The following PPFIA1 variants were observed in gnomAD, a reference collection of about 807,000 sequenced individuals.
PPFIA1 encodes liprin-alpha-1.
Under a neutral mutation model 149.9 loss-of-function variants are expected in PPFIA1, and 25 were observed. That is an observed-to-expected ratio of 0.17 (90% CI 0.12 to 0.23). PPFIA1 has a LOEUF of 0.23. PPFIA1 is among the 10% of genes least tolerant of loss of function. PPFIA1 has a pLI of 1.00. For missense variants in PPFIA1, 1,362 were observed against 1,506.5 expected (o/e 0.90, Z 1.59); for synonymous variants, 549 against 552.8 (o/e 0.99, Z 0.10).
intron 21 of PPFIA1, 60 bp downstream of exon 21, chr11:70,362,548 C>T: frequency 6.7e-7 from 1 of 1,489,234 alleles, no homozygotes; most frequent in Non-Finnish European, 9.0e-7. Flanking sequence ...CTGAAGGTAT[C>T]ACTGCCCTGT....
intron 21 of PPFIA1, among the ~76,000 whole-genome samples, chr11:70,369,949 CTTTTT>C (rs36102876): frequency 6.9e-6 from 1 of 145,738 alleles, no homozygotes; most frequent in East Asian, 2.0e-4. Flanking sequence ...CTCTTTTACT[CTTTTT>C]TTTTTTTTCT....
chr11:70,338,012 CAATT>C (rs1422392536), intron 12 of PPFIA1, among the ~76,000 whole-genome samples: 5 of 152,142 alleles, frequency 3.3e-5, no homozygotes, highest in African/African-American at 1.2e-4. Flanking sequence ...TGATGTAAGA[CAATT>C]AAACACAATA....
chr11:70,325,044 A>G (rs1329697877), intron 4 of PPFIA1, 33 bp downstream of exon 4: 1 of 1,570,562 alleles, frequency 6.4e-7, no homozygotes, highest in South Asian at 1.2e-5. Flanking sequence ...TGGTTTGTGC[A>G]CATGCTGTGT....
chr11:70,337,754 T>C (rs2055071478), intron 12 of PPFIA1, among the ~76,000 whole-genome samples: 1 of 152,248 alleles, frequency 6.6e-6, no homozygotes. Flanking sequence ...AGTCATATTT[T>C]AGAAAGTAAT....
At chr11:70,377,924 A>C in intron 25 of PPFIA1, 106 bp from the exon 26 acceptor site, 2 of 903,158 alleles carry the variant, frequency 2.2e-6, no homozygotes, top group African/African-American at 1.7e-5. Flanking sequence ...ACATGTGGAC[A>C]AGAATACATT....
Position 70,331,949 on chromosome 11 carries a change from TC to T in PPFIA1, c.1078-10del. The stretch of plus-strand genomic sequence containing the variant: ...TTTGTTGCATTTTGATGCTTTGCTC[TC>T]ATTTTATAGACTGAAGATAAAAACC... On this transcript the variant is annotated splice_polypyrimidine_tract_variant and intron_variant, in intron 8 of 27. Transcript: ENST00000253925. 3 of 1,598,634 alleles carry T rather than the reference TC, an allele frequency of 1.9e-6. No homozygotes were observed. Among genetic ancestry groups the T allele is most frequent in the Non-Finnish European group, 2.6e-6 (3 of 1,175,360 alleles).
At chr11:70,331,858 G>T in intron 8 of PPFIA1, 102 bp from the exon 9 acceptor site, 1 of 1,276,248 alleles carries the variant, frequency 7.8e-7, no homozygotes, top group South Asian at 1.7e-5. Context: ...CTTCCATCAT[G>T]ACTCTCTTAG....
chr11:70,363,647 G>A (rs1403958720), intron 21 of PPFIA1, among the ~76,000 whole-genome samples: 1 of 152,058 alleles, frequency 6.6e-6, no homozygotes, highest in Non-Finnish European at 1.5e-5. Context: ...CCAAGTAGTT[G>A]GGACTACAGG....
chr11:70,285,447 C>T (rs966398019), intron 2 of PPFIA1, among the ~76,000 whole-genome samples: 28 of 151,856 alleles, frequency 1.8e-4, no homozygotes, highest in African/African-American at 5.8e-4. Flanking sequence ...AATGGGAGGC[C>T]GAGATGGGCA....
intron 19 of PPFIA1, among the ~76,000 whole-genome samples, chr11:70,359,710 G>A (rs754171465): frequency 1.2e-4 from 18 of 152,188 alleles, no homozygotes; most frequent in Non-Finnish European, 2.6e-4. Flanking sequence ...CAACTTTACC[G>A]TTATGCTATG....
intron 2 of PPFIA1, among the ~76,000 whole-genome samples, chr11:70,305,391 T>A (rs1296219779): frequency 6.6e-6 from 1 of 152,162 alleles, no homozygotes; most frequent in Non-Finnish European, 1.5e-5. Context: ...CTTCTTTTTT[T>A]TTGAGACAAG....
At chr11:70,277,362 C>T (rs978882113) in intron 2 of PPFIA1, among the ~76,000 whole-genome samples, 7 of 151,778 alleles carry the variant, frequency 4.6e-5, no homozygotes, top group Non-Finnish European at 8.8e-5. Context: ...TATACTTTTG[C>T]AGTATCATAA....
rs2136789876 is a variant in PPFIA1, at chr11:70,324,628, T to C, written c.366+125T>C. 3.2e-6 allele frequency: 3 copies of C among 924,666 alleles called. No individual in the cohort carries two copies. In the East Asian group the frequency reaches 7.3e-5, roughly 22 times the overall value. The allele number at this position is 924,666 out of a possible 1,614,324, so 57.3% of individuals were successfully genotyped here. On this transcript the variant is annotated intron_variant, in intron 3 of 27. Coordinates refer to ENST00000253925, the MANE Select transcript of PPFIA1 (RefSeq NM_003626.5). Reference sequence around the variant, plus strand: ...AAATACTTTTCATACCTTTTCCCACTGAGCAGACTGTGATTAGTCAGCATG... The same window carrying C: ...AAATACTTTTCATACCTTTTCCCACCGAGCAGACTGTGATTAGTCAGCATG...
intron 2 of PPFIA1, among the ~76,000 whole-genome samples, chr11:70,300,286 G>A (rs1003230302): frequency 6.6e-6 from 1 of 152,128 alleles, no homozygotes; most frequent in African/African-American, 2.4e-5. Context: ...CTTTTTCTCC[G>A]CCAGTTCCTA....
intron 21 of PPFIA1, chr11:70,365,609 GA>G (rs1393209284): frequency 2.8e-6 from 1 of 354,588 alleles, no homozygotes; most frequent in Non-Finnish European, 5.6e-6. Flanking sequence ...TTTTATTTTA[GA>G]TTTTTTCCAG....
At chr11:70,333,694 A>G (rs766719770) in intron 10 of PPFIA1, 141 bp downstream of exon 10, 4 of 693,604 alleles carry the variant, frequency 5.8e-6, no homozygotes, top group Non-Finnish European at 1.0e-5. Context: ...TTTGTTTTGC[A>G]CCCTCATCTG....
intron 2 of PPFIA1, among the ~76,000 whole-genome samples, chr11:70,322,285 C>T (rs898704222): frequency 5.3e-5 from 8 of 152,240 alleles, no homozygotes; most frequent in Admixed American, 3.3e-4. Context: ...GACAGTGTTT[C>T]GTTAAAGTTA....
intron 14 of PPFIA1, among the ~76,000 whole-genome samples, chr11:70,341,468 T>G (rs3133179): frequency 0.22 from 33,292 of 151,944 alleles, 5,567 homozygotes; most frequent in African/African-American, 0.46. Context: ...GAGTCTGTTT[T>G]TTGAGATGAG....
chr11:70,327,252 T>C (rs747062810), intron 7 of PPFIA1: 20 of 163,816 alleles, frequency 1.2e-4, no homozygotes, highest in Non-Finnish European at 1.9e-4. Context: ...CTAGCTCACG[T>C]AGGGCAATGT....
Sources: gnomAD v4.1 joint callset for allele counts (sites outside exome capture counted in the v4.1 genomes callset) on GRCh38, gnomAD v4.1.1 for gene constraint, MANE v1.5 for transcripts, NCBI Gene and HGNC (gene_info 2026-07-23, HGNC 2026-07-21) for gene names.